Variants in GPM6A observed in about 807,000 individuals in gnomAD.
GPM6A encodes neuronal membrane glycoprotein M6-a.
Under a neutral mutation model 32.1 loss-of-function variants are expected in GPM6A, and 7 were observed. The observed-to-expected ratio is 0.22, with a 90% CI of 0.12 to 0.41. GPM6A has a LOEUF of 0.41. GPM6A is among the 10% of genes least tolerant of loss of function. The pLI is 1.00. For synonymous variants in GPM6A, 130 were observed against 123.4 expected, an observed-to-expected ratio of 1.05 and a Z score of -0.35; for missense variants, 235 against 347.2, an observed-to-expected ratio of 0.68 and a Z score of 2.57.
intron 3 of GPM6A, among the ~76,000 whole-genome samples, chr4:175,670,141 C>A (rs1742971839): frequency 6.6e-6 from 1 of 152,210 alleles, no homozygotes. Flanking sequence ...CTAGTAAACA[C>A]ACTTCCAAAA....
intron 1 of GPM6A, among the ~76,000 whole-genome samples, chr4:175,777,698 G>T (rs1168043608): frequency 2.6e-5 from 4 of 151,804 alleles, no homozygotes; most frequent in Non-Finnish European, 5.9e-5. Context: ...TTACTAACAG[G>T]ATATTAAATT....
intron 1 of GPM6A, among the ~76,000 whole-genome samples, chr4:175,783,496 C>T (rs1733687440): frequency 6.6e-6 from 1 of 151,742 alleles, no homozygotes; most frequent in Admixed American, 6.6e-5. Flanking sequence ...TAAAACAATG[C>T]AAAATTTTCA....
At chr4:175,653,926 C>T (rs4624612) in intron 3 of GPM6A, among the ~76,000 whole-genome samples, 124,512 of 151,962 alleles carry the variant, frequency 0.82, 54,449 homozygotes, top group Non-Finnish European at 0.97. Flanking sequence ...GAATGAAGCA[C>T]ATCAATAGGT....
chr4:175,702,393 T>A (rs13127867), intron 1 of GPM6A, among the ~76,000 whole-genome samples: 55,208 of 152,194 alleles, frequency 0.36, 12,517 homozygotes, highest in Non-Finnish European at 0.5. Context: ...ATAATTTCCC[T>A]ACTATGCTAT....
intron 4 of GPM6A, among the ~76,000 whole-genome samples, chr4:175,649,969 C>T (rs1435391913): frequency 1.3e-5 from 2 of 152,148 alleles, no homozygotes; most frequent in African/African-American, 4.8e-5. Flanking sequence ...AAAAGGAAGA[C>T]ATTTAGGACA....
At chr4:175,676,486 C>T (rs541651226) in intron 2 of GPM6A, among the ~76,000 whole-genome samples, 5 of 152,312 alleles carry the variant, frequency 3.3e-5, no homozygotes, top group African/African-American at 7.2e-5. Context: ...CAGTGGCTCA[C>T]GCCTGCAATC....
intron 1 of GPM6A, among the ~76,000 whole-genome samples, chr4:175,890,332 GA>G (rs1026217577): frequency 6.6e-5 from 10 of 151,992 alleles, no homozygotes; most frequent in African/African-American, 2.4e-4. Flanking sequence ...ATGTATGTAC[GA>G]AAAATATATT....
At chr4:175,928,276 C>A (rs918580523) in intron 1 of GPM6A, among the ~76,000 whole-genome samples, 3 of 152,052 alleles carry the variant, frequency 2.0e-5, no homozygotes, top group Non-Finnish European at 2.9e-5. Flanking sequence ...AGACTTAGGA[C>A]AAGAATGTTG....
chr4:175,824,814 A>G (rs919312153), intron 1 of GPM6A, among the ~76,000 whole-genome samples: 1 of 152,224 alleles, frequency 6.6e-6, no homozygotes, highest in Non-Finnish European at 1.5e-5. Flanking sequence ...TTTACAGGGT[A>G]TAAGTCTGAA....
intron 1 of GPM6A, among the ~76,000 whole-genome samples, chr4:175,977,176 G>A (rs1223897419): frequency 1.3e-5 from 2 of 152,186 alleles, no homozygotes; most frequent in Non-Finnish European, 2.9e-5. Context: ...ATCAAAGTTA[G>A]ACTTTGGAAT....
At chr4:175,848,729 G>C (rs916485469) in intron 1 of GPM6A, among the ~76,000 whole-genome samples, 2 of 151,940 alleles carry the variant, frequency 1.3e-5, no homozygotes, top group South Asian at 2.1e-4. Context: ...AAGAGATAAT[G>C]TATACATCAT....
At chr4:175,953,240 T>C (rs1739876509) in intron 1 of GPM6A, among the ~76,000 whole-genome samples, 1 of 152,104 alleles carries the variant, frequency 6.6e-6, no homozygotes, top group Non-Finnish European at 1.5e-5. Flanking sequence ...AATTTGATAG[T>C]TTTTGAAGCT....
At chr4:175,923,702 C>A (rs930600280) in intron 1 of GPM6A, among the ~76,000 whole-genome samples, 3 of 151,918 alleles carry the variant, frequency 2.0e-5, no homozygotes, top group African/African-American at 7.3e-5. Context: ...CACAGGCATG[C>A]ACCACCATGC....
intron 1 of GPM6A, among the ~76,000 whole-genome samples, chr4:175,796,427 C>T (rs1734230791): frequency 6.6e-6 from 1 of 152,144 alleles, no homozygotes; most frequent in African/African-American, 2.4e-5. Flanking sequence ...ACAATTCCAA[C>T]ATATAGATAC....
At chr4:175,724,339 G>A (rs1746293666) in intron 1 of GPM6A, among the ~76,000 whole-genome samples, 1 of 152,198 alleles carries the variant, frequency 6.6e-6, no homozygotes, top group South Asian at 2.1e-4. Flanking sequence ...GACGTCAGGA[G>A]TTCAAGACCA....
chr4:175,805,472 C>G (rs1300216056), intron 1 of GPM6A, among the ~76,000 whole-genome samples: 1 of 152,132 alleles, frequency 6.6e-6, no homozygotes, highest in Non-Finnish European at 1.5e-5. Context: ...GCATGACCAT[C>G]CCCTTTTAGG....
At chr4:175,765,087 T>C (rs1732909470) in intron 1 of GPM6A, among the ~76,000 whole-genome samples, 1 of 152,088 alleles carries the variant, frequency 6.6e-6, no homozygotes, top group African/African-American at 2.4e-5. Context: ...TTGGCCAGGC[T>C]GGTCTCGAAC....
In GPM6A at chr4:175,818,468, G is replaced by C. The variant is rs538740536; in HGVS notation, c.-22-6219C>G. Among the ~76,000 whole-genome samples the C allele has an allele frequency of 1.1e-4, 16 of 152,310 alleles. No homozygotes were observed. In the South Asian group the frequency reaches 3.3e-3, roughly 32 times the overall value. Reference sequence around the variant, plus strand: ...CAATATATATATAGAGAGAGAGTCAGTTCTATATATATGTATCTTCCCCCC... The same window carrying C: ...CAATATATATATAGAGAGAGAGTCACTTCTATATATATGTATCTTCCCCCC... On this transcript the variant is annotated intron_variant, in intron 1 of 7. Transcript: ENST00000280187.
chr4:175,706,151 T>G (rs1745175594), intron 1 of GPM6A, among the ~76,000 whole-genome samples: 1 of 151,952 alleles, frequency 6.6e-6, no homozygotes, highest in Non-Finnish European at 1.5e-5. Flanking sequence ...TAGATTGACT[T>G]GTACTAATAC....
Sources: allele counts gnomAD v4.1 joint callset (sites outside exome capture counted in the v4.1 genomes callset), GRCh38; gene constraint gnomAD v4.1.1; transcripts MANE v1.5; gene names NCBI Gene and HGNC (gene_info 2026-07-23, HGNC 2026-07-21).